The following TFCP2 variants were observed in gnomAD, a reference collection of about 807,000 sequenced individuals.
The protein encoded by TFCP2 is transcription factor CP2.
A neutral mutation model predicts 73.4 loss-of-function variants in TFCP2; 33 were observed. The observed-to-expected ratio is 0.45, with a 90% CI of 0.34 to 0.60. The LOEUF (loss-of-function observed/expected upper bound fraction) is 0.60, where lower values mean the gene tolerates loss of function less well. TFCP2 is among the 20% of genes least tolerant of loss of function. The pLI, the probability that TFCP2 is intolerant of heterozygous loss-of-function variation, is 0.01. For missense variants in TFCP2, 352 were observed against 604.0 expected, an observed-to-expected ratio of 0.58 and a Z score of 4.37; for synonymous variants, 193 against 211.6, an observed-to-expected ratio of 0.91 and a Z score of 0.76.
intron 7 of TFCP2, 58 bp downstream of exon 7, chr12:51,107,178 T>A (rs1940268242): frequency 4.3e-6 from 6 of 1,392,148 alleles, no homozygotes; most frequent in Admixed American, 2.0e-5. Context: ...TTGGAAGTGA[T>A]GAATTTTTAA....
intron 13 of TFCP2, among the ~76,000 whole-genome samples, chr12:51,096,407 C>G (rs1212293618): frequency 6.6e-6 from 1 of 152,170 alleles, no homozygotes; most frequent in African/African-American, 2.4e-5. Context: ...TTTCCTTCCC[C>G]ACTTTCCCTT....
intron 1 of TFCP2, among the ~76,000 whole-genome samples, chr12:51,136,400 A>C (rs1436318778): frequency 2.0e-5 from 3 of 152,086 alleles, no homozygotes; most frequent in Non-Finnish European, 4.4e-5. Flanking sequence ...TACCATACTA[A>C]ATTATTCTGC....
At chr12:51,128,314 G>A (rs998742534) in intron 1 of TFCP2, among the ~76,000 whole-genome samples, 15 of 151,802 alleles carry the variant, frequency 9.9e-5, no homozygotes, top group African/African-American at 3.4e-4. Context: ...TGAAGAATAG[G>A]TTACTAAAAG....
intron 1 of TFCP2, among the ~76,000 whole-genome samples, chr12:51,139,317 A>C (rs1941136407): frequency 6.6e-6 from 1 of 152,120 alleles, no homozygotes; most frequent in African/African-American, 2.4e-5. Context: ...AACTGGGCCC[A>C]GTTTACCTTT....
At chr12:51,103,226 T>C (rs537326746) in intron 10 of TFCP2, among the ~76,000 whole-genome samples, 19 of 151,986 alleles carry the variant, frequency 1.3e-4, no homozygotes, top group Middle Eastern at 3.4e-3. Flanking sequence ...GAGGGTGCAG[T>C]GAGCCGAGAT....
At chr12:51,132,251 A>G (rs2640513) in intron 1 of TFCP2, among the ~76,000 whole-genome samples, 152,161 of 152,168 alleles carry the variant, frequency 1, 76,077 homozygotes, top group Non-Finnish European at 1. Flanking sequence ...CTGTATTCAC[A>G]CCCTTTCGCA....
intron 13 of TFCP2, among the ~76,000 whole-genome samples, chr12:51,096,679 A>G (rs1939972169): frequency 6.6e-6 from 1 of 152,214 alleles, no homozygotes; most frequent in African/African-American, 2.4e-5. Flanking sequence ...TTTTTTGGTA[A>G]TATCACTATG....
chr12:51,166,543 G>C (rs1941761767), intron 1 of TFCP2, among the ~76,000 whole-genome samples: 1 of 152,102 alleles, frequency 6.6e-6, no homozygotes, highest in South Asian at 2.1e-4. Flanking sequence ...ACCTGCATGA[G>C]TGCCCAAAAA....
In TFCP2 at chr12:51,134,622, C is replaced by G. The variant is rs890290206; in HGVS notation, c.123-15850G>C. On this transcript the variant is annotated intron_variant, in intron 1 of 14. Coordinates refer to ENST00000257915, the MANE Select transcript of TFCP2 (RefSeq NM_005653.5). Reference sequence around the variant, plus strand: ...TATTTGACCTCATTTTAAATTTTTACTACAACCTGAAGTTTGGAAAAAATA... The same window carrying G: ...TATTTGACCTCATTTTAAATTTTTAGTACAACCTGAAGTTTGGAAAAAATA... Among the ~76,000 whole-genome samples the G allele has an allele frequency of 3.0e-4, 46 of 152,260 alleles. 1 individual carries two copies. The highest frequency in any genetic ancestry group is 5.9e-5 in the Non-Finnish European group (4 of 68,010).
At chr12:51,122,275 T>C (rs1304243622) in intron 1 of TFCP2, among the ~76,000 whole-genome samples, 2 of 145,110 alleles carry the variant, frequency 1.4e-5, no homozygotes, top group Non-Finnish European at 3.0e-5. Flanking sequence ...TTTTTTTTTT[T>C]TGAGATAGAG....
At chr12:51,115,378 C>T (rs973708001) in intron 4 of TFCP2, among the ~76,000 whole-genome samples, 15 of 152,036 alleles carry the variant, frequency 9.9e-5, no homozygotes, top group Non-Finnish European at 1.8e-4. Context: ...CCTTGGCCTC[C>T]CAAAGTTTTG....
At chr12:51,121,085 A>C (rs1040273796) in intron 1 of TFCP2, among the ~76,000 whole-genome samples, 1 of 152,074 alleles carries the variant, frequency 6.6e-6, no homozygotes, top group East Asian at 1.9e-4. Context: ...TTCTGGGTAC[A>C]AAAGAAAAGG....
Position 51,107,259 on chromosome 12 carries a change from AG to A in TFCP2, c.804del (p.Tyr269MetfsTer90). 1 of 1,608,690 alleles carries A rather than the reference AG, an allele frequency of 6.2e-7. No homozygotes were observed. The highest frequency in any genetic ancestry group is 8.5e-7 in the Non-Finnish European group (1 of 1,178,804). Reference sequence around the variant, plus strand: ...ACCTCTGTGAGTATGGTTGTCTCATAGGAAGGCTGATATTTCTCCTTTTCAT... The same window carrying A: ...ACCTCTGTGAGTATGGTTGTCTCATAGAAGGCTGATATTTCTCCTTTTCAT... ...TPHEKEKYQPSYETTILTECS... is the reference protein window; with the variant it reads ...TPHEKEKYQPXYETTILTECS... On this transcript the variant is annotated frameshift_variant, in exon 7 of 15. Transcript: ENST00000257915. LOFTEE classifies it high-confidence loss of function.
At position 51,111,786 on chromosome 12, in the gene TFCP2, G is replaced by A. The variant is rs149121089; in HGVS notation, c.458-803C>T. The stretch of plus-strand genomic sequence containing the variant: ...GGAGAATTGCTTGAACCTGGGAGGT[G>A]GAGGTTGCAGTGAGCCGGAGATCGA... On this transcript the variant is annotated intron_variant, in intron 4 of 14. Coordinates refer to ENST00000257915, the MANE Select transcript of TFCP2 (RefSeq NM_005653.5). Among the ~76,000 whole-genome samples the A allele has an allele frequency of 5.9e-3, 894 of 152,026 alleles. 5 individuals are homozygous for A. Among genetic ancestry groups the A allele is most frequent in the African/African-American group, 0.019 (783 of 41,468 alleles).
intron 1 of TFCP2, among the ~76,000 whole-genome samples, chr12:51,129,386 G>A (rs1398261401): frequency 2.6e-5 from 4 of 151,782 alleles, no homozygotes; most frequent in Non-Finnish European, 5.9e-5. Flanking sequence ...TTTGGCAGGC[G>A]CCTGTAATCC....
rs550656364 is a variant in TFCP2 at position 51,124,981 on chromosome 12, GCT to G, written c.123-6211_123-6210del. 4.1e-6 allele frequency: 3 copies of G among 735,884 alleles called. No individual in the cohort carries two copies. In the South Asian group the frequency reaches 4.2e-5, roughly 10 times the overall value. The allele number at this position is 735,884 out of a possible 1,614,324, so 45.6% of individuals were successfully genotyped here. A position where few individuals can be genotyped will look rare whatever the true frequency, so the allele number is the denominator to read the frequency against. ...TCGTTGCTCACCTGCCTGGAGACCA[GCT>G]CTCTCTGAGTGATAACTTCTCCAGC... is the stretch of plus-strand genomic sequence containing the variant. On this transcript the variant is annotated intron_variant, in intron 1 of 14. Coordinates refer to ENST00000257915, the MANE Select transcript of TFCP2 (RefSeq NM_005653.5).
intron 8 of TFCP2, among the ~76,000 whole-genome samples, chr12:51,105,248 C>T (rs1940203937): frequency 6.6e-6 from 1 of 152,062 alleles, no homozygotes; most frequent in African/African-American, 2.4e-5. Context: ...CGCCCGCCGC[C>T]ACACCTGGCT....
chr12:51,118,832 G>A, intron 1 of TFCP2, 60 bp from the exon 2 acceptor site: 2 of 1,564,178 alleles, frequency 1.3e-6, no homozygotes, highest in Admixed American at 1.7e-5. Flanking sequence ...CAGGTTTATT[G>A]CTGAATGATT....
chr12:51,128,722 G>C (rs1378668690), intron 1 of TFCP2, among the ~76,000 whole-genome samples: 1 of 152,176 alleles, frequency 6.6e-6, no homozygotes, highest in African/African-American at 2.4e-5. Context: ...TGTACCTAAA[G>C]AGTGCAGATA....
Sources: allele counts gnomAD v4.1 joint callset (sites outside exome capture counted in the v4.1 genomes callset), GRCh38; gene constraint gnomAD v4.1.1; transcripts MANE v1.5; gene names NCBI Gene and HGNC (gene_info 2026-07-23, HGNC 2026-07-21).